Variants in GUCY1A2 observed in about 807,000 individuals in gnomAD.
The protein encoded by GUCY1A2 is guanylate cyclase soluble subunit alpha-2.
GUCY1A2 carries 27 observed loss-of-function variants against 63.5 expected under a neutral mutation model. The ratio of observed to expected loss-of-function variants is 0.43; its 90% CI spans 0.31 to 0.59. The LOEUF (loss-of-function observed/expected upper bound fraction) is 0.59. Among genes scored for constraint, GUCY1A2 ranks in the 20% least tolerant of loss-of-function variants. The pLI, the probability that GUCY1A2 is intolerant of heterozygous loss-of-function variation, is 0.11. For synonymous variants in GUCY1A2, 364 were observed against 343.5 expected (o/e 1.06, Z -0.66); for missense variants, 768 against 913.3 (o/e 0.84, Z 2.05).
intron 3 of GUCY1A2, among the ~76,000 whole-genome samples, chr11:106,951,247 GTA>G (rs1860904124): frequency 6.6e-6 from 1 of 152,114 alleles, no homozygotes; most frequent in Non-Finnish European, 1.5e-5. Flanking sequence ...ACTCCTTTGG[GTA>G]TATACCCAGT....
intron 6 of GUCY1A2, among the ~76,000 whole-genome samples, chr11:106,727,380 C>G (rs1184420604): frequency 6.6e-6 from 1 of 152,198 alleles, no homozygotes; most frequent in African/African-American, 2.4e-5. Flanking sequence ...TCCTCTGAAG[C>G]AGGCTCACTG....
rs1018960973 is a variant in GUCY1A2, at chr11:106,685,694, C to A, written c.*1855G>T. 4.4e-5 allele frequency: 10 copies of A among 227,766 alleles called. No individual in the cohort carries two copies. Among genetic ancestry groups the A allele is most frequent in the African/African-American group, 2.2e-4 (10 of 44,994 alleles). 14.1% of individuals were successfully genotyped at this position (227,766 alleles called of 1,614,324 possible). A position where few individuals can be genotyped will look rare whatever the true frequency, so the allele number is the denominator to read the frequency against. Reference sequence around the variant, plus strand: ...TGAGGTGCTCCCAGTCTGCTCTGCTCATACTGGCTGTAAACCTCCCCATTG... The same window carrying A: ...TGAGGTGCTCCCAGTCTGCTCTGCTAATACTGGCTGTAAACCTCCCCATTG... On this transcript the variant is annotated 3_prime_UTR_variant, in exon 8 of 8. Transcript: ENST00000526355.
At chr11:106,690,314 T>C (rs1224792089) in intron 7 of GUCY1A2, among the ~76,000 whole-genome samples, 2 of 151,528 alleles carry the variant, frequency 1.3e-5, no homozygotes, top group African/African-American at 4.9e-5. Context: ...ATGTGGTAAA[T>C]ACGGACTATG....
intron 4 of GUCY1A2, among the ~76,000 whole-genome samples, chr11:106,814,432 T>C (rs2135426469): frequency 6.6e-6 from 1 of 152,236 alleles, no homozygotes; most frequent in South Asian, 2.1e-4. Flanking sequence ...GTGCCCAGTC[T>C]GAGAAGCTTC....
intron 4 of GUCY1A2, among the ~76,000 whole-genome samples, chr11:106,867,581 A>T (rs968996006): frequency 2.0e-5 from 3 of 152,144 alleles, no homozygotes; most frequent in Admixed American, 6.6e-5. Flanking sequence ...TCAGCATCTT[A>T]TAACATATTT....
intron 3 of GUCY1A2, among the ~76,000 whole-genome samples, chr11:106,975,393 T>TAGTAAAATAG (rs1335649624): frequency 1.3e-5 from 2 of 152,218 alleles, no homozygotes; most frequent in Admixed American, 6.5e-5. Context: ...AAATAGGCTT[T>TAGTAAAATAG]GCAGATTAGG....
At chr11:106,845,496 G>C (rs1365531074) in intron 4 of GUCY1A2, among the ~76,000 whole-genome samples, 2 of 151,582 alleles carry the variant, frequency 1.3e-5, no homozygotes, top group Non-Finnish European at 3.0e-5. Flanking sequence ...TCACTCAGGT[G>C]CTCACTGACT....
chr11:106,980,186 A>T (rs936573966), intron 2 of GUCY1A2, among the ~76,000 whole-genome samples: 6 of 152,206 alleles, frequency 3.9e-5, no homozygotes, highest in African/African-American at 1.4e-4. Context: ...TGGCAGGGCA[A>T]ATATGTGAAT....
chr11:106,908,977 AAG>A (rs1860252903), intron 4 of GUCY1A2, among the ~76,000 whole-genome samples: 1 of 152,026 alleles, frequency 6.6e-6, no homozygotes, highest in African/African-American at 2.4e-5. Flanking sequence ...TAAAAAGTAA[AAG>A]AAGAAAATTT....
chr11:106,815,960 T>C lies in GUCY1A2; in HGVS notation c.1207-5482A>G, dbSNP rs540320702. 1.4e-4 allele frequency among the ~76,000 whole-genome samples: 22 copies of C among 152,114 alleles called. 1 individual carries two copies. The highest frequency in any genetic ancestry group is 5.1e-4 in the African/African-American group (21 of 41,514). On this transcript the variant is annotated intron_variant, in intron 4 of 7. Transcript: ENST00000526355. ...AGCCTCTGGAGATAGCATGGTCCTT[T>C]TGACACTTTGACTTCTGGCATGCAG...
At chr11:106,903,986 T>G (rs1267677434) in intron 4 of GUCY1A2, among the ~76,000 whole-genome samples, 1 of 152,180 alleles carries the variant, frequency 6.6e-6, no homozygotes, top group African/African-American at 2.4e-5. Flanking sequence ...TAAAGGACAT[T>G]GGAATAACCA....
In GUCY1A2 at chr11:106,682,382, T is replaced by C. The variant is rs1342976191; in HGVS notation, c.*5167A>G. ...ATTAGCATTACTTAGAGTGATTTTC[T>C]AAACACAGATTCCTAGGCCCTACCT... is the stretch of plus-strand genomic sequence containing the variant. On this transcript the variant is annotated 3_prime_UTR_variant, in exon 8 of 8. Coordinates refer to ENST00000526355, the MANE Select transcript of GUCY1A2 (RefSeq NM_000855.3). 4.7e-6 allele frequency: 1 copy of C among 212,852 alleles called. No homozygotes were observed. Among genetic ancestry groups the C allele is most frequent in the South Asian group, 1.9e-4 (1 of 5,354 alleles). The allele number at this position is 212,852 out of a possible 1,614,324, so 13.2% of individuals were successfully genotyped here.
chr11:106,727,550 T>C (rs552182373), intron 6 of GUCY1A2, among the ~76,000 whole-genome samples: 1 of 152,276 alleles, frequency 6.6e-6, no homozygotes, highest in Admixed American at 6.5e-5. Flanking sequence ...ATTTTCAATC[T>C]ACTAAACACA....
intron 4 of GUCY1A2, among the ~76,000 whole-genome samples, chr11:106,855,958 T>C (rs1376755737): frequency 6.6e-6 from 1 of 151,124 alleles, no homozygotes; most frequent in Non-Finnish European, 1.5e-5. Context: ...CAGGGTCTCA[T>C]TCCATCACCC....
At chr11:106,779,530 G>A (rs1173383962) in intron 5 of GUCY1A2, among the ~76,000 whole-genome samples, 3 of 152,146 alleles carry the variant, frequency 2.0e-5, no homozygotes, top group East Asian at 3.9e-4. Context: ...CATATAGTCA[G>A]TAAATTGCCT....
chr11:106,883,419 C>T (rs1050866943), intron 4 of GUCY1A2, among the ~76,000 whole-genome samples: 5 of 152,068 alleles, frequency 3.3e-5, no homozygotes, highest in Admixed American at 6.6e-5. Flanking sequence ...ATATCATGCA[C>T]TTAGTGTGTG....
chr11:106,935,990 G>C (rs1226885053), intron 4 of GUCY1A2, among the ~76,000 whole-genome samples: 3 of 151,974 alleles, frequency 2.0e-5, no homozygotes, highest in African/African-American at 7.2e-5. Context: ...GTATAAAACT[G>C]AGGTGCAGAC....
chr11:106,819,698 T>C (rs894454966), intron 4 of GUCY1A2, among the ~76,000 whole-genome samples: 8 of 152,200 alleles, frequency 5.3e-5, no homozygotes, highest in African/African-American at 1.9e-4. Flanking sequence ...CAAAAAATAT[T>C]GTGTGATTTG....
intron 1 of GUCY1A2, among the ~76,000 whole-genome samples, chr11:106,996,500 G>A (rs2120168690): frequency 6.6e-6 from 1 of 152,268 alleles, no homozygotes; most frequent in East Asian, 1.9e-4. Context: ...ACTCTAAATG[G>A]ATTAAAGCAA....
Sources: allele counts gnomAD v4.1 joint callset (sites outside exome capture counted in the v4.1 genomes callset), GRCh38; gene constraint gnomAD v4.1.1; transcripts MANE v1.5; gene names NCBI Gene and HGNC (gene_info 2026-07-23, HGNC 2026-07-21).